Variants in ROBO2 observed in about 807,000 individuals in gnomAD.
ROBO2 encodes roundabout guidance receptor 2.
Under a neutral mutation model 160.8 loss-of-function variants are expected in ROBO2, and 53 were observed. That is an observed-to-expected ratio of 0.33 (90% CI 0.26 to 0.41). ROBO2 has a LOEUF of 0.41. Among genes scored for constraint, ROBO2 ranks in the 10% least tolerant of loss-of-function variants. ROBO2 has a pLI of 1.00. For missense variants in ROBO2, 1,577 were observed against 1,722.4 expected, an observed-to-expected ratio of 0.92 and a Z score of 1.49; for synonymous variants, 664 against 611.7, an observed-to-expected ratio of 1.09 and a Z score of -1.26.
chr3:77,101,750 A>G (rs1221817419), intron 2 of ROBO2, among the ~76,000 whole-genome samples: 1 of 152,154 alleles, frequency 6.6e-6, no homozygotes, highest in African/African-American at 2.4e-5. Context: ...AAAAAATAAT[A>G]AAATTGGGGC....
At position 77,310,153 on chromosome 3, in the gene ROBO2, A is replaced by G. The variant is rs189474835; in HGVS notation, c.389-167261A>G. Among the ~76,000 whole-genome samples, 272 of 152,276 alleles carry G rather than the reference A, an allele frequency of 1.8e-3. 1 individual carries two copies. Among genetic ancestry groups the G allele is most frequent in the Admixed American group, 3.7e-3 (56 of 15,300 alleles). On this transcript the variant is annotated intron_variant, in intron 2 of 25. Transcript: ENST00000461745. ...TCTTATTTTACGTTTCCTTTAATGG[A>G]TCACGTATCAAATTTTATGTACACA...
intron 2 of ROBO2, among the ~76,000 whole-genome samples, chr3:76,996,770 A>G (rs2061038173): frequency 1.3e-5 from 2 of 152,182 alleles, no homozygotes; most frequent in African/African-American, 4.8e-5. Context: ...AGTTTAACAA[A>G]GTAAACTAGT....
At chr3:76,767,480 A>G (rs2061638825) in intron 2 of ROBO2, among the ~76,000 whole-genome samples, 2 of 151,612 alleles carry the variant, frequency 1.3e-5, no homozygotes, top group South Asian at 4.1e-4. Flanking sequence ...TGACGTAGAT[A>G]AGTAAAATAT....
chr3:77,081,676 A>G (rs1222761382), intron 1 of ROBO2, among the ~76,000 whole-genome samples: 3 of 152,200 alleles, frequency 2.0e-5, no homozygotes, highest in Non-Finnish European at 4.4e-5. Context: ...AAGTGTGTTA[A>G]GTATTGTAAC....
chr3:77,175,234 T>C (rs144313462), intron 2 of ROBO2, among the ~76,000 whole-genome samples: 1,562 of 152,218 alleles, frequency 0.01, 14 homozygotes, highest in Middle Eastern at 0.017. Flanking sequence ...GCCTGGCCAC[T>C]ATTCTTATTG....
chr3:76,324,595 G>T (rs984601781), intron 2 of ROBO2, among the ~76,000 whole-genome samples: 1 of 152,118 alleles, frequency 6.6e-6, no homozygotes, highest in Non-Finnish European at 1.5e-5. Context: ...GTTGTGTGTA[G>T]ATTCAAAACA....
At chr3:77,514,719 T>C (rs551734026) in intron 5 of ROBO2, among the ~76,000 whole-genome samples, 21 of 151,846 alleles carry the variant, frequency 1.4e-4, no homozygotes, top group Non-Finnish European at 2.7e-4. Flanking sequence ...ACTCTGTCAA[T>C]ATTTGCTTTG....
At chr3:76,787,399 G>A (rs1198297286) in intron 2 of ROBO2, among the ~76,000 whole-genome samples, 1 of 147,276 alleles carries the variant, frequency 6.8e-6, no homozygotes, top group Non-Finnish European at 1.5e-5. Flanking sequence ...AAGACAAATG[G>A]CTGACTAGAT....
At chr3:76,923,399 A>C (rs2149004152) in intron 2 of ROBO2, among the ~76,000 whole-genome samples, 1 of 152,384 alleles carries the variant, frequency 6.6e-6, no homozygotes, top group East Asian at 1.9e-4. Flanking sequence ...GTAAACAGAC[A>C]GTTATTGTAA....
chr3:76,351,129 G>A (rs1279319456), intron 2 of ROBO2, among the ~76,000 whole-genome samples: 1 of 151,812 alleles, frequency 6.6e-6, no homozygotes, highest in East Asian at 1.9e-4. Flanking sequence ...AATGATATAT[G>A]TAGTATGATC....
At chr3:77,243,574 C>A (rs1278887662) in intron 2 of ROBO2, among the ~76,000 whole-genome samples, 1 of 152,102 alleles carries the variant, frequency 6.6e-6, no homozygotes, top group Non-Finnish European at 1.5e-5. Context: ...CTACTATAGT[C>A]CCCTCCATTT....
intron 2 of ROBO2, among the ~76,000 whole-genome samples, chr3:77,120,942 T>TTTA (rs1294880670): frequency 1.3e-5 from 2 of 151,958 alleles, no homozygotes; most frequent in African/African-American, 2.4e-5. Flanking sequence ...ATGCAGATGT[T>TTTA]TTATTATTAT....
intron 2 of ROBO2, among the ~76,000 whole-genome samples, chr3:77,470,605 A>C (rs997561518): frequency 6.6e-6 from 1 of 152,216 alleles, no homozygotes; most frequent in South Asian, 2.1e-4. Flanking sequence ...AAGTTATTTT[A>C]AAAATAGATT....
chr3:77,574,460 T>TTTCCTTTAG (rs2093712575), intron 13 of ROBO2, 39 bp from the exon 15 acceptor site: 1 of 1,530,442 alleles, frequency 6.5e-7, no homozygotes, highest in African/African-American at 1.4e-5. Context: ...TCTAAAATAC[T>TTTCCTTTAG]TTCCTTTAGT....
At chr3:76,276,051 CAACTT>C (rs1252499540) in intron 2 of ROBO2, among the ~76,000 whole-genome samples, 7 of 151,900 alleles carry the variant, frequency 4.6e-5, no homozygotes, top group African/African-American at 2.4e-5. Flanking sequence ...ATCTTGCTGA[CAACTT>C]AAATATGCAT....
chr3:76,747,747 C>T (rs1004022589), intron 2 of ROBO2, among the ~76,000 whole-genome samples: 3 of 151,594 alleles, frequency 2.0e-5, no homozygotes, highest in Non-Finnish European at 2.9e-5. Flanking sequence ...AGAAAACATA[C>T]ATTTGGTCCT....
intron 2 of ROBO2, among the ~76,000 whole-genome samples, chr3:76,011,579 T>C (rs944943322): frequency 5.3e-5 from 8 of 152,208 alleles, no homozygotes; most frequent in African/African-American, 9.6e-5. Context: ...CTGTATTCAG[T>C]TACAAGGAAG....
chr3:76,603,340 AAAAAAAAAAAAATAT>A (rs1400999707), intron 2 of ROBO2, among the ~76,000 whole-genome samples: 10 of 52,036 alleles, frequency 1.9e-4, no homozygotes, highest in Non-Finnish European at 3.8e-4. Context: ...TCCAAAAAAA[AAAAAAAAAAAAATAT>A]ATATATATAT....
intron 2 of ROBO2, among the ~76,000 whole-genome samples, chr3:76,694,634 G>C (rs896726787): frequency 2.6e-5 from 4 of 151,594 alleles, no homozygotes; most frequent in African/African-American, 7.3e-5. Flanking sequence ...GTAAAAAAAG[G>C]GTATCTTTTA....
Sources: gnomAD v4.1 joint callset for allele counts (sites outside exome capture counted in the v4.1 genomes callset) on GRCh38, gnomAD v4.1.1 for gene constraint, MANE v1.5 for transcripts, NCBI Gene and HGNC (gene_info 2026-07-23, HGNC 2026-07-21) for gene names.